Variants in DLG2 observed in about 807,000 individuals in gnomAD.
DLG2 encodes disks large homolog 2.
A neutral mutation model predicts 132.5 loss-of-function variants in DLG2; 45 were observed. The observed-to-expected ratio is 0.34, with a 90% CI of 0.27 to 0.44. The LOEUF is 0.44. Among genes scored for constraint, DLG2 ranks in the 20% least tolerant of loss-of-function variants. The pLI, the probability that DLG2 is intolerant of heterozygous loss-of-function variation, is 1.00. For synonymous variants in DLG2, 424 were observed against 419.6 expected (o/e 1.01, Z -0.13); for missense variants, 1,045 against 1,196.9 (o/e 0.87, Z 1.87).
At chr11:85,611,900 C>T (rs897300353) in intron 2 of DLG2, among the ~76,000 whole-genome samples, 1 of 151,298 alleles carries the variant, frequency 6.6e-6, no homozygotes, top group African/African-American at 2.4e-5. Flanking sequence ...AAGCAGCTGG[C>T]AGAGGCAGGG....
intron 3 of DLG2, among the ~76,000 whole-genome samples, chr11:85,490,993 C>A (rs903599674): frequency 2.0e-5 from 3 of 152,022 alleles, no homozygotes; most frequent in Non-Finnish European, 2.9e-5. Context: ...AGACCAATAT[C>A]CCTGATGAAT....
intron 6 of DLG2, among the ~76,000 whole-genome samples, chr11:85,092,380 TAACA>T (rs1013776819): frequency 3.9e-5 from 6 of 152,130 alleles, no homozygotes; most frequent in African/African-American, 1.4e-4. Flanking sequence ...ACCACAATCC[TAACA>T]AATTAAAATC....
intron 7 of DLG2, among the ~76,000 whole-genome samples, chr11:84,324,238 G>A (rs1284747500): frequency 1.3e-5 from 2 of 151,928 alleles, no homozygotes; most frequent in Non-Finnish European, 2.9e-5. Context: ...ATTTTTGTGG[G>A]TGGTATAAGA....
At chr11:84,222,348 A>G (rs2096927958) in intron 8 of DLG2, among the ~76,000 whole-genome samples, 2 of 152,134 alleles carry the variant, frequency 1.3e-5, no homozygotes, top group South Asian at 4.1e-4. Flanking sequence ...TGGTATTTAT[A>G]TAAATATTAC....
intron 3 of DLG2, among the ~76,000 whole-genome samples, chr11:85,441,871 TA>T (rs1203963381): frequency 6.6e-6 from 1 of 151,750 alleles, no homozygotes; most frequent in East Asian, 1.9e-4. Context: ...ATTTAAAACA[TA>T]ATAAATAGTA....
At chr11:84,376,169 T>G (rs2098728168) in intron 7 of DLG2, among the ~76,000 whole-genome samples, 1 of 151,976 alleles carries the variant, frequency 6.6e-6, no homozygotes, top group African/African-American at 2.4e-5. Flanking sequence ...AGAGCTTTAA[T>G]TATCTCTCTC....
chr11:83,703,251 C>A (rs1303058470), intron 18 of DLG2, among the ~76,000 whole-genome samples: 2 of 152,106 alleles, frequency 1.3e-5, no homozygotes, highest in African/African-American at 4.8e-5. Flanking sequence ...TGTAAACCCA[C>A]TGATGAAAAA....
intron 3 of DLG2, among the ~76,000 whole-genome samples, chr11:85,488,225 C>T (rs1261833222): frequency 6.6e-6 from 1 of 152,022 alleles, no homozygotes; most frequent in African/African-American, 2.4e-5. Flanking sequence ...CCCATCTCTA[C>T]TAAAAATACA....
At chr11:84,725,853 T>A (rs1049190892) in intron 6 of DLG2, among the ~76,000 whole-genome samples, 9 of 152,138 alleles carry the variant, frequency 5.9e-5, no homozygotes, top group Non-Finnish European at 1.0e-4. Context: ...ATTTTTTTTT[T>A]AATGAAAGTT....
At chr11:84,648,810 A>T (rs1349299376) in intron 6 of DLG2, among the ~76,000 whole-genome samples, 2 of 151,828 alleles carry the variant, frequency 1.3e-5, no homozygotes, top group Non-Finnish European at 2.9e-5. Flanking sequence ...ACACAGACAC[A>T]CAATGTCAAG....
chr11:84,032,385 A>C (rs1024141241), intron 11 of DLG2, among the ~76,000 whole-genome samples: 1 of 152,218 alleles, frequency 6.6e-6, no homozygotes, highest in Non-Finnish European at 1.5e-5. Flanking sequence ...GTCGAGATAA[A>C]TATCAAACTA....
At chr11:84,711,059 T>G (rs946394978) in intron 6 of DLG2, among the ~76,000 whole-genome samples, 1 of 149,006 alleles carries the variant, frequency 6.7e-6, no homozygotes, top group South Asian at 2.1e-4. Context: ...TAAAGTAGTT[T>G]TAAATGTTTT....
At position 83,883,975 on chromosome 11, in the gene DLG2, A is replaced by T. The variant is rs552696614; in HGVS notation, c.1497-9487T>A. Among the ~76,000 whole-genome samples, 7 of 146,068 alleles carry T rather than the reference A, an allele frequency of 4.8e-5. No individual in the cohort carries two copies. The South Asian group carries it at 1.6e-3, about 33-fold the overall frequency. Reference sequence around the variant, plus strand: ...AGAGCTGGTGGAGCCAAGATGGCCGAATAGGAACAGCTCCGGTCTACAGCT... The same window carrying T: ...AGAGCTGGTGGAGCCAAGATGGCCGTATAGGAACAGCTCCGGTCTACAGCT... On this transcript the variant is annotated intron_variant, in intron 15 of 27. Coordinates refer to ENST00000376104, the MANE Select transcript of DLG2 (RefSeq NM_001142699.3).
At position 83,786,401 on chromosome 11, in the gene DLG2, G is replaced by A. The variant is rs565308882; in HGVS notation, c.1825+289C>T. Reference sequence around the variant, plus strand: ...GTTTTTACAGTATCCATTGGTGACCGAAAGTGTGTACCACATAAGAATATA... The same window carrying A: ...GTTTTTACAGTATCCATTGGTGACCAAAAGTGTGTACCACATAAGAATATA... On this transcript the variant is annotated intron_variant, in intron 18 of 27. Coordinates refer to ENST00000376104, the MANE Select transcript of DLG2 (RefSeq NM_001142699.3). 6.3e-5 allele frequency: 20 copies of A among 316,700 alleles called. No individual in the cohort carries two copies. The East Asian group carries it at 9.0e-4, about 14-fold the overall frequency. The allele number at this position is 316,700 out of a possible 1,614,324, so 19.6% of individuals were successfully genotyped here. A position where few individuals can be genotyped will look rare whatever the true frequency, so the allele number is the denominator to read the frequency against.
chr11:84,443,955 TA>T (rs1438734966), intron 7 of DLG2, among the ~76,000 whole-genome samples: 6 of 152,150 alleles, frequency 3.9e-5, no homozygotes, highest in Admixed American at 2.0e-4. Context: ...ATAAATATTT[TA>T]TTTTCTTTCT....
At chr11:84,671,519 C>A (rs949326107) in intron 6 of DLG2, among the ~76,000 whole-genome samples, 1 of 152,092 alleles carries the variant, frequency 6.6e-6, no homozygotes, top group African/African-American at 2.4e-5. Flanking sequence ...AGTTGTACAG[C>A]CTTCTGCTCT....
At chr11:85,623,557 C>T (rs1038852060) in intron 2 of DLG2, among the ~76,000 whole-genome samples, 6 of 152,150 alleles carry the variant, frequency 3.9e-5, no homozygotes, top group Non-Finnish European at 5.9e-5. Flanking sequence ...CCCGCCTCGG[C>T]CTCCCAAAGT....
intron 6 of DLG2, among the ~76,000 whole-genome samples, chr11:84,600,196 GAAAGAAAGAA>G (rs1565419663): frequency 7.4e-6 from 1 of 135,948 alleles, no homozygotes; most frequent in Non-Finnish European, 1.5e-5. Flanking sequence ...AAGAAAGAAA[GAAAGAAAGAA>G]AGAAAGAAAG....
chr11:84,526,904 G>A (rs867226945), intron 7 of DLG2, among the ~76,000 whole-genome samples: 16 of 149,470 alleles, frequency 1.1e-4, no homozygotes, highest in African/African-American at 2.5e-4. Context: ...TCAGCCTCCC[G>A]AGTAGCTGGG....
Sources: allele counts gnomAD v4.1 joint callset (sites outside exome capture counted in the v4.1 genomes callset), GRCh38; gene constraint gnomAD v4.1.1; transcripts MANE v1.5; gene names NCBI Gene and HGNC (gene_info 2026-07-23, HGNC 2026-07-21).